The following IQCM variants were observed in gnomAD, a reference collection of about 807,000 sequenced individuals.
The protein encoded by IQCM is IQ domain-containing protein M.
A neutral mutation model predicts 57.6 loss-of-function variants in IQCM; 45 were observed. The observed-to-expected ratio is 0.78, with a 90% CI of 0.62 to 1.00. IQCM has a LOEUF of 1.00. Ranked by LOEUF, IQCM falls within the 50% of genes least tolerant of loss-of-function variation. IQCM has a pLI of 0.00. For synonymous variants in IQCM, 148 were observed against 158.9 expected (o/e 0.93, Z 0.51); for missense variants, 468 against 511.6 (o/e 0.91, Z 0.82).
At chr4:149,555,758 G>C (rs1326469010) in intron 10 of IQCM, among the ~76,000 whole-genome samples, 3 of 152,130 alleles carry the variant, frequency 2.0e-5, no homozygotes, top group Middle Eastern at 3.2e-3. Flanking sequence ...GAATAGAAAA[G>C]TTCCCTCTTG....
intron 12 of IQCM, among the ~76,000 whole-genome samples, chr4:149,481,696 G>GTTTTTTTTTTTTTTTTTTTTTTT (rs1197852884): frequency 4.8e-4 from 16 of 33,592 alleles, no homozygotes; most frequent in Non-Finnish European, 5.7e-4. Flanking sequence ...GATTCTTCCA[G>GTTTTTTTTTTTTTTTTTTTTTTT]TTTTGTTTTT....
intron 2 of IQCM, among the ~76,000 whole-genome samples, chr4:149,783,628 T>G (rs1771815879): frequency 6.6e-6 from 1 of 152,162 alleles, no homozygotes; most frequent in African/African-American, 2.4e-5. Context: ...CTCCTCCCTT[T>G]GAGTAGGTAG....
intron 13 of IQCM, among the ~76,000 whole-genome samples, chr4:149,392,127 T>TG (rs755700549): frequency 4.9e-5 from 3 of 60,662 alleles, no homozygotes; most frequent in Non-Finnish European, 1.4e-4. Flanking sequence ...TTTTGTCAGT[T>TG]TTTTTTTTTT....
intron 8 of IQCM, among the ~76,000 whole-genome samples, chr4:149,592,604 G>A (rs1753309430): frequency 6.6e-6 from 1 of 151,798 alleles, no homozygotes; most frequent in East Asian, 1.9e-4. Context: ...TAACATTTAA[G>A]TCTTTAATCC....
chr4:149,369,740 C>A (rs1481973986), intron 13 of IQCM, among the ~76,000 whole-genome samples: 8 of 152,118 alleles, frequency 5.3e-5, no homozygotes, highest in Admixed American at 1.3e-4. Flanking sequence ...AGGTTCAAAC[C>A]ATCTGTGCTT....
rs183702421 is a variant in IQCM, at chr4:149,355,692, C to T, written c.1391-3626G>A. Among the ~76,000 whole-genome samples, 56 of 152,060 alleles carry T rather than the reference C, an allele frequency of 3.7e-4. No homozygotes were observed. In the East Asian group the frequency reaches 6.8e-3, roughly 18 times the overall value. On this transcript the variant is annotated intron_variant, in intron 13 of 13. Coordinates refer to ENST00000636793, the MANE Select transcript of IQCM (RefSeq NM_001363507.2). The stretch of plus-strand genomic sequence containing the variant: ...AAGTCTTTGCTATTGTGAATAGTGT[C>T]GCAATAAACATATGTGTGCATGTGT...
chr4:149,759,564 T>C (rs1769302096), intron 2 of IQCM, among the ~76,000 whole-genome samples: 1 of 152,060 alleles, frequency 6.6e-6, no homozygotes, highest in Admixed American at 6.6e-5. Context: ...ACAAATAAAA[T>C]CCAGCACAAG....
At chr4:149,547,871 T>A (rs1470264773) in intron 12 of IQCM, among the ~76,000 whole-genome samples, 1 of 152,164 alleles carries the variant, frequency 6.6e-6, no homozygotes, top group Admixed American at 6.5e-5. Context: ...GGAAAATTCA[T>A]TGAGATGTTT....
chr4:149,580,426 C>T (rs956765669), intron 9 of IQCM, among the ~76,000 whole-genome samples: 1 of 151,782 alleles, frequency 6.6e-6, no homozygotes, highest in African/African-American at 2.4e-5. Flanking sequence ...AGCAGTGGTG[C>T]CAAGAGCCAG....
chr4:149,406,180 T>C (rs1732968668), intron 13 of IQCM, among the ~76,000 whole-genome samples: 1 of 151,978 alleles, frequency 6.6e-6, no homozygotes, highest in Non-Finnish European at 1.5e-5. Flanking sequence ...AGGCACAATG[T>C]ATTTAATAGT....
chr4:149,515,018 G>A lies in IQCM; in HGVS notation c.1228+33437C>T, dbSNP rs113509232. ...TCAGCTTGTAGATGGCCTATTGTGG[G>A]ACCTTGTGATTGTGTGAGTTAATAC... On this transcript the variant is annotated intron_variant, in intron 12 of 13. Coordinates refer to ENST00000636793, the MANE Select transcript of IQCM (RefSeq NM_001363507.2). Among the ~76,000 whole-genome samples the A allele has an allele frequency of 1.3e-3, 200 of 151,944 alleles. 1 individual carries two copies. Among genetic ancestry groups the A allele is most frequent in the Non-Finnish European group, 1.8e-3 (121 of 68,004 alleles).
At chr4:149,694,446 G>A (rs1763182599) in intron 5 of IQCM, among the ~76,000 whole-genome samples, 2 of 151,374 alleles carry the variant, frequency 1.3e-5, no homozygotes, top group African/African-American at 4.9e-5. Context: ...TACTTTCTCG[G>A]ATACTTTCTC....
intron 8 of IQCM, among the ~76,000 whole-genome samples, chr4:149,605,954 C>T (rs921885955): frequency 2.6e-5 from 4 of 152,180 alleles, no homozygotes; most frequent in Non-Finnish European, 5.9e-5. Context: ...TGATTCCAGG[C>T]CTTTGCTCCT....
intron 2 of IQCM, among the ~76,000 whole-genome samples, chr4:149,775,094 T>G (rs1403814683): frequency 1.3e-5 from 2 of 151,652 alleles, no homozygotes; most frequent in East Asian, 1.9e-4. Flanking sequence ...GCAGCAACTT[T>G]GCATTATTCC....
intron 2 of IQCM, among the ~76,000 whole-genome samples, chr4:149,766,620 A>G (rs1353547132): frequency 2.0e-5 from 3 of 152,158 alleles, no homozygotes; most frequent in African/African-American, 7.2e-5. Context: ...CTATCAGAAA[A>G]TAAAGCCCAT....
chr4:149,432,348 T>G (rs751373828), intron 13 of IQCM, among the ~76,000 whole-genome samples: 6 of 152,044 alleles, frequency 3.9e-5, no homozygotes, highest in South Asian at 2.1e-4. Flanking sequence ...GCTATCTATA[T>G]ATCTTCTTTG....
chr4:149,384,753 T>C (rs1448583944), intron 13 of IQCM, among the ~76,000 whole-genome samples: 1 of 152,052 alleles, frequency 6.6e-6, no homozygotes, highest in Non-Finnish European at 1.5e-5. Flanking sequence ...TTAATCTTTT[T>C]TTTTTTTGTC....
intron 7 of IQCM, among the ~76,000 whole-genome samples, chr4:149,657,536 T>C (rs1759743305): frequency 6.6e-6 from 1 of 152,118 alleles, no homozygotes; most frequent in African/African-American, 2.4e-5. Context: ...AGTAGTTTGA[T>C]TGCTGGATCA....
intron 12 of IQCM, among the ~76,000 whole-genome samples, chr4:149,473,638 G>T (rs1223780155): frequency 6.6e-6 from 1 of 152,138 alleles, no homozygotes; most frequent in African/African-American, 2.4e-5. Flanking sequence ...TACACCCAAA[G>T]GATTATAAAT....
Sources: gnomAD v4.1 joint callset for allele counts (sites outside exome capture counted in the v4.1 genomes callset) on GRCh38, gnomAD v4.1.1 for gene constraint, MANE v1.5 for transcripts, NCBI Gene and HGNC (gene_info 2026-07-23, HGNC 2026-07-21) for gene names.